Variants in NRXN3 observed in about 807,000 individuals in gnomAD.
The protein encoded by NRXN3 is neurexin 3.
In NRXN3, 32 loss-of-function variants were observed where a neutral mutation model predicts 137.6. The observed-to-expected ratio is 0.23, with a 90% CI of 0.18 to 0.31. The LOEUF (loss-of-function observed/expected upper bound fraction) is 0.31, where lower values mean the gene tolerates loss of function less well. Ranked by LOEUF, NRXN3 falls within the 10% of genes least tolerant of loss-of-function variation. The pLI is 1.00. For synonymous variants in NRXN3, 798 were observed against 784.5 expected (o/e 1.02, Z -0.29); for missense variants, 1,574 against 2,062.5 (o/e 0.76, Z 4.59).
intron 16 of NRXN3, among the ~76,000 whole-genome samples, chr14:79,569,120 A>G (rs149286298): frequency 2.0e-5 from 3 of 152,234 alleles, no homozygotes; most frequent in Non-Finnish European, 2.9e-5. Context: ...CACAGATCTA[A>G]GATGTATTAT....
At chr14:79,730,107 A>G (rs2098916396) in intron 19 of NRXN3, among the ~76,000 whole-genome samples, 1 of 152,196 alleles carries the variant, frequency 6.6e-6, no homozygotes, top group South Asian at 2.1e-4. Context: ...ACCGAGGAAG[A>G]AGCCAGATTT....
intron 15 of NRXN3, among the ~76,000 whole-genome samples, chr14:79,388,077 A>G (rs1426623778): frequency 6.6e-6 from 1 of 151,436 alleles, no homozygotes; most frequent in Non-Finnish European, 1.5e-5. Context: ...CGTTGTGCAC[A>G]TGTACCCTAA....
chr14:78,807,734 C>CAAAAAAAAAAAAAAAAAAA (rs144921592), intron 9 of NRXN3, among the ~76,000 whole-genome samples: 1 of 111,722 alleles, frequency 9.0e-6, no homozygotes, highest in African/African-American at 3.2e-5. Flanking sequence ...GATTCTGTCT[C>CAAAAAAAAAAAAAAAAAAA]AAAAAAAAAA....
intron 6 of NRXN3, among the ~76,000 whole-genome samples, chr14:78,656,571 C>T (rs1473332667): frequency 6.6e-6 from 1 of 152,042 alleles, no homozygotes; most frequent in Admixed American, 6.5e-5. Context: ...CATGCTATAC[C>T]CTTGGACTTT....
chr14:78,990,294 A>G (rs917634571), intron 15 of NRXN3, among the ~76,000 whole-genome samples: 1 of 150,848 alleles, frequency 6.6e-6, no homozygotes, highest in African/African-American at 2.4e-5. Context: ...CCCCACCTGG[A>G]GATTGGACCA....
At chr14:79,518,278 AGCATAT>A (rs990547723) in intron 16 of NRXN3, among the ~76,000 whole-genome samples, 15 of 152,042 alleles carry the variant, frequency 9.9e-5, no homozygotes, top group African/African-American at 3.1e-4. Context: ...TGTATATGTT[AGCATAT>A]GTATATATAA....
At chr14:79,109,073 T>G (rs2053000073) in intron 15 of NRXN3, among the ~76,000 whole-genome samples, 1 of 152,214 alleles carries the variant, frequency 6.6e-6, no homozygotes, top group African/African-American at 2.4e-5. Context: ...AAAGACGTTA[T>G]TCTTTTAAGT....
At chr14:78,658,541 G>A (rs1336480063) in intron 6 of NRXN3, among the ~76,000 whole-genome samples, 1 of 152,148 alleles carries the variant, frequency 6.6e-6, no homozygotes, top group Non-Finnish European at 1.5e-5. Flanking sequence ...GAAGTTAGGA[G>A]AGTCCAATGT....
chr14:79,740,786 A>T (rs1268120762), intron 19 of NRXN3, among the ~76,000 whole-genome samples: 2 of 118,612 alleles, frequency 1.7e-5, no homozygotes, highest in African/African-American at 6.1e-5. Flanking sequence ...TTCTGCTTTT[A>T]AACATAGATC....
intron 15 of NRXN3, among the ~76,000 whole-genome samples, chr14:79,064,739 G>GTGTATA (rs67417652): frequency 9.2e-5 from 13 of 140,576 alleles, no homozygotes; most frequent in Admixed American, 3.5e-4. Flanking sequence ...ATATGTATAT[G>GTGTATA]TATATATATA....
intron 15 of NRXN3, among the ~76,000 whole-genome samples, chr14:79,368,886 C>T (rs561774452): frequency 6.6e-6 from 1 of 152,010 alleles, no homozygotes; most frequent in African/African-American, 2.4e-5. Flanking sequence ...ATTCCATTTC[C>T]AAGAATGAAA....
chr14:79,449,614 A>T (rs1213406168), intron 15 of NRXN3, among the ~76,000 whole-genome samples: 1 of 152,238 alleles, frequency 6.6e-6, no homozygotes, highest in East Asian at 1.9e-4. Context: ...GCTATTTTAT[A>T]TATTCAAATA....
chr14:79,650,660 C>T (rs1057055036), intron 16 of NRXN3, among the ~76,000 whole-genome samples: 3 of 152,186 alleles, frequency 2.0e-5, no homozygotes, highest in African/African-American at 4.8e-5. Context: ...ATTTATCTAA[C>T]TTCTGATGTG....
chr14:78,929,760 A>C (rs1358554553), intron 10 of NRXN3, among the ~76,000 whole-genome samples: 2 of 152,172 alleles, frequency 1.3e-5, no homozygotes, highest in East Asian at 3.9e-4. Flanking sequence ...AATGCTAAGG[A>C]AATTTGTTAC....
intron 15 of NRXN3, among the ~76,000 whole-genome samples, chr14:79,234,331 T>TATATAA (rs2072956369): frequency 9.5e-6 from 1 of 104,904 alleles, no homozygotes; most frequent in Non-Finnish European, 2.0e-5. Context: ...TATATATATA[T>TATATAA]ATATATATAA....
At chr14:79,373,460 C>T (rs766628768) in intron 15 of NRXN3, among the ~76,000 whole-genome samples, 2 of 152,008 alleles carry the variant, frequency 1.3e-5, no homozygotes, top group African/African-American at 4.8e-5. Flanking sequence ...GAAATGAAAA[C>T]GTGGCAATAA....
At chr14:78,808,600 T>G (rs2098891695) in intron 9 of NRXN3, among the ~76,000 whole-genome samples, 1 of 152,124 alleles carries the variant, frequency 6.6e-6, no homozygotes, top group Non-Finnish European at 1.5e-5. Flanking sequence ...CTCTGTCTGG[T>G]AATCATACCG....
At chr14:79,256,148 GTCTGTCTC>G (rs1375558009) in intron 15 of NRXN3, among the ~76,000 whole-genome samples, 4 of 149,662 alleles carry the variant, frequency 2.7e-5, no homozygotes, top group African/African-American at 9.9e-5. Context: ...CTCTCTGTCT[GTCTGTCTC>G]TCTGTCTCTC....
chr14:79,435,629 CAT>C (rs1440423116), intron 15 of NRXN3, among the ~76,000 whole-genome samples: 6 of 150,854 alleles, frequency 4.0e-5, no homozygotes, highest in Non-Finnish European at 5.9e-5. Flanking sequence ...CACACACACA[CAT>C]ACATTCTTTG....
Sources: gnomAD v4.1 joint callset for allele counts (sites outside exome capture counted in the v4.1 genomes callset) on GRCh38, gnomAD v4.1.1 for gene constraint, MANE v1.5 for transcripts, NCBI Gene and HGNC (gene_info 2026-07-23, HGNC 2026-07-21) for gene names.